PCDHA5: variants seen among roughly 807,000 people sequenced by gnomAD.
The protein encoded by PCDHA5 is protocadherin alpha-5.
A neutral mutation model predicts 61.6 loss-of-function variants in PCDHA5; 43 were observed. That is an observed-to-expected ratio of 0.70 (90% confidence interval 0.55 to 0.90). The LOEUF is 0.90. Ranked by LOEUF, PCDHA5 falls within the 40% of genes least tolerant of loss-of-function variation. PCDHA5 has a pLI of 0.00. For missense variants in PCDHA5, 1,298 were observed against 1,222.7 expected, an observed-to-expected ratio of 1.06 and a Z score of -0.92; for synonymous variants, 627 against 543.9, an observed-to-expected ratio of 1.15 and a Z score of -2.13.
At chr5:140,979,120 T>A in intron 2 of PCDHA5, 113 bp downstream of exon 2, 1 of 1,497,648 alleles carries the variant, frequency 6.7e-7, no homozygotes, top group Non-Finnish European at 8.9e-7. Flanking sequence ...CTTTAGGTAC[T>A]TTGCCAGGAA....
At chr5:140,998,585 A>C (rs1227951754) in intron 3 of PCDHA5, among the ~76,000 whole-genome samples, 1 of 148,644 alleles carries the variant, frequency 6.7e-6, no homozygotes, top group Non-Finnish European at 1.5e-5. Context: ...TTTTTTTGAG[A>C]CAGAGTTTTG....
chr5:140,870,927 T>G (rs782446287), intron 1 of PCDHA5: 1 of 1,613,880 alleles, frequency 6.2e-7, no homozygotes, highest in South Asian at 1.1e-5. Context: ...GGCTTTCATA[T>G]GAATTGCAGC....
chr5:140,834,570 C>T, intron 1 of PCDHA5: 1 of 1,614,086 alleles, frequency 6.2e-7, no homozygotes, highest in Non-Finnish European at 8.5e-7. Flanking sequence ...GGTGCCGCGC[C>T]TGTTCCGGGC....
chr5:140,841,900 G>A lies in PCDHA5; in HGVS notation c.2352+17773G>A. On this transcript the variant is annotated intron_variant, in intron 1 of 3. Coordinates refer to ENST00000529859, the MANE Select transcript of PCDHA5 (RefSeq NM_018908.3). ...AGAACGATGAGAATAAACTGGTTGA[G>A]CTCGTATTAAGAAAATCCTTGGACA... 4 of 1,613,856 alleles carry A rather than the reference G, an allele frequency of 2.5e-6. 1 individual carries two copies. Among genetic ancestry groups the A allele is most frequent in the Non-Finnish European group, 3.4e-6 (4 of 1,179,838 alleles).
chr5:140,862,757 GC>G (rs1554156930), intron 1 of PCDHA5: 4 of 579,248 alleles, frequency 6.9e-6, no homozygotes, highest in African/African-American at 1.9e-5. Flanking sequence ...GCGGAGAGCG[GC>G]AAGAGGTACG....
At chr5:140,835,184 A>G in intron 1 of PCDHA5, 2 of 1,525,540 alleles carry the variant, frequency 1.3e-6, no homozygotes, top group Non-Finnish European at 1.8e-6. Flanking sequence ...CCAATGCCTC[A>G]GATTTAGACG....
chr5:140,926,754 C>A, intron 1 of PCDHA5: 1 of 1,283,492 alleles, frequency 7.8e-7, no homozygotes. Context: ...TCGGCGGTCG[C>A]TGAGTATCCA....
intron 3 of PCDHA5, among the ~76,000 whole-genome samples, chr5:140,988,622 A>G (rs192744779): frequency 6.6e-6 from 1 of 152,242 alleles, no homozygotes; most frequent in East Asian, 1.9e-4. Flanking sequence ...TAGAATGGAG[A>G]TGTCCTGGTT....
At chr5:140,941,167 A>G (rs1352007891) in intron 1 of PCDHA5, among the ~76,000 whole-genome samples, 2 of 144,982 alleles carry the variant, frequency 1.4e-5, no homozygotes, top group Non-Finnish European at 3.1e-5. Flanking sequence ...AAGACTCCCC[A>G]TCTTGAACAT....
At position 140,870,296 on chromosome 5, in the gene PCDHA5, C is replaced by T. The variant is rs782782375; in HGVS notation, c.2352+46169C>T. ...CCCCACGTTCCCTTCAAGCTGGTGTCCACCTTCAAGAATTACTACTCGTTG... is the reference window on the plus strand; with the variant it reads ...CCCCACGTTCCCTTCAAGCTGGTGTTCACCTTCAAGAATTACTACTCGTTG... On this transcript the variant is annotated intron_variant, in intron 1 of 3. Transcript: ENST00000529859. 1.2e-5 allele frequency: 20 copies of T among 1,614,086 alleles called. No homozygotes were observed. In the African/African-American group the frequency reaches 2.3e-4, roughly 18 times the overall value.
At chr5:140,876,262 C>T (rs1554168436) in intron 1 of PCDHA5, 2 of 1,614,012 alleles carry the variant, frequency 1.2e-6, no homozygotes, top group South Asian at 2.2e-5. Context: ...AGTGATCCAA[C>T]TAAATGCTTC....
rs1554139232 is a variant in PCDHA5 at position 140,842,637 on chromosome 5, C to T, written c.2352+18510C>T. On this transcript the variant is annotated intron_variant, in intron 1 of 3. Transcript: ENST00000529859. ...GGCTCGCCTTCGCTGTGGGCCACCG[C>T]CAGCTTGTCTGTGGAGGTGGCCGAC... 4 of 1,592,344 alleles carry T rather than the reference C, an allele frequency of 2.5e-6. No individual in the cohort carries two copies. The Middle Eastern group carries it at 6.8e-4, about 271-fold the overall frequency.
Position 141,009,798 on chromosome 5 carries a change from A to G in PCDHA5, c.2672A>G (p.Asn891Ser). Residue 891 changes from asparagine (N) to serine (S), a missense_variant, in exon 4 of 4, where the codon AAC (asparagine) becomes AGC (serine). Physicochemically the swap from Asn to Ser is conservative, Grantham distance 46. Transcript: ENST00000529859. ...AIISIRQEPT[N>S]SQIDKSDFIT... The stretch of plus-strand genomic sequence containing the variant: ...ATCTCCATCCGGCAGGAGCCTACTA[A>G]CAGCCAAATTGACAAAAGTGACTTC... 2 of 1,614,116 alleles carry G rather than the reference A, an allele frequency of 1.2e-6. No homozygotes were observed. Among genetic ancestry groups the G allele is most frequent in the Non-Finnish European group, 1.7e-6 (2 of 1,180,014 alleles).
intron 1 of PCDHA5, among the ~76,000 whole-genome samples, chr5:140,906,368 T>C (rs1554192499): frequency 1.3e-5 from 2 of 152,198 alleles, no homozygotes. Flanking sequence ...CCAACCCAAA[T>C]GCTATTACAT....
At chr5:140,876,292 A>G in intron 1 of PCDHA5, 1 of 1,614,080 alleles carries the variant, frequency 6.2e-7, no homozygotes, top group Non-Finnish European at 8.5e-7. Context: ...CGAAGGACTT[A>G]ATGGAGAAAT....
At chr5:141,001,097 T>TC (rs1554257999) in intron 3 of PCDHA5, among the ~76,000 whole-genome samples, 1 of 152,114 alleles carries the variant, frequency 6.6e-6, no homozygotes, top group Non-Finnish European at 1.5e-5. Flanking sequence ...AACTGTCTAA[T>TC]CCATAATAAG....
intron 3 of PCDHA5, among the ~76,000 whole-genome samples, chr5:140,999,645 G>C (rs1417751593): frequency 6.6e-6 from 1 of 152,156 alleles, no homozygotes; most frequent in Non-Finnish European, 1.5e-5. Context: ...AAACTGTGCA[G>C]CCTGAGCCCT....
rs1318602549 is a variant in PCDHA5, at chr5:140,842,870, G to T, written c.2352+18743G>T. On this transcript the variant is annotated intron_variant, in intron 1 of 3. Coordinates refer to ENST00000529859, the MANE Select transcript of PCDHA5 (RefSeq NM_018908.3). ...TTCGGTGCACACGGAGAGCGGCAAG[G>T]TGTACGCGCTGCAGCCGCTGGACCA... 4.4e-6 allele frequency: 7 copies of T among 1,593,934 alleles called. 1 individual carries two copies. Among genetic ancestry groups the T allele is most frequent in the Non-Finnish European group, 6.0e-6 (7 of 1,165,422 alleles).
intron 1 of PCDHA5, chr5:140,882,139 A>G (rs1185324508): frequency 6.0e-6 from 9 of 1,489,890 alleles, no homozygotes; most frequent in South Asian, 4.2e-5. Context: ...TGCAGAAAAT[A>G]TAGCAGAAAG....
Sources: gnomAD v4.1 joint callset for allele counts (sites outside exome capture counted in the v4.1 genomes callset) on GRCh38, gnomAD v4.1.1 for gene constraint, MANE v1.5 for transcripts, NCBI Gene and HGNC (gene_info 2026-07-23, HGNC 2026-07-21) for gene names.